The following SCUBE1 variants were observed in gnomAD, a reference collection of about 807,000 sequenced individuals.
The protein encoded by SCUBE1 is signal peptide, CUB domain and EGF like domain containing 1.
In SCUBE1, 59 loss-of-function variants were observed where a neutral mutation model predicts 124.4. The ratio of observed to expected loss-of-function variants is 0.47; its 90% CI spans 0.38 to 0.59. SCUBE1 has a LOEUF of 0.59. SCUBE1 is among the 20% of genes least tolerant of loss of function. The pLI, the probability that SCUBE1 is intolerant of heterozygous loss-of-function variation, is 0.00. For missense variants in SCUBE1, 1,150 were observed against 1,371.2 expected (o/e 0.84, Z 2.55); for synonymous variants, 545 against 550.9 (o/e 0.99, Z 0.15).
At chr22:43,303,224 TTCC>T (rs1925840959) in intron 3 of SCUBE1, among the ~76,000 whole-genome samples, 1 of 152,216 alleles carries the variant, frequency 6.6e-6, no homozygotes, top group South Asian at 2.1e-4. Context: ...GTTCCTTCTC[TTCC>T]TCCTCCTTGC....
rs1466069121 is a variant in SCUBE1, at chr22:43,258,520, C to T, written c.611-185G>A. ...CCTGCACTTCAGCCCCTCCAGGGAC[C>T]CTGGAGTCACTCACTCCCTAGAGCT... On this transcript the variant is annotated intron_variant, in intron 5 of 21. Coordinates refer to ENST00000360835, the MANE Select transcript of SCUBE1 (RefSeq NM_173050.5). This position sits in a 1 kb window ranked among gnomAD's most constrained non-coding sequence, Gnocchi z 5.0. Among the ~76,000 whole-genome samples, 1 of 152,124 alleles carries T rather than the reference C, an allele frequency of 6.6e-6. No homozygotes were observed. The highest frequency in any genetic ancestry group is 1.5e-5 in the Non-Finnish European group (1 of 68,016).
intron 9 of SCUBE1, 53 bp downstream of exon 9, chr22:43,229,019 C>T (rs1228080075): frequency 2.3e-5 from 31 of 1,336,804 alleles, no homozygotes; most frequent in South Asian, 1.2e-4. Flanking sequence ...GGTGGCCGTG[C>T]GGCCAGGCGC....
Position 43,258,481 on chromosome 22 carries a change from C to T in SCUBE1, c.611-146G>A, listed in dbSNP as rs927305137. On this transcript the variant is annotated intron_variant, in intron 5 of 21. Transcript: ENST00000360835. The surrounding 1 kb of genome is among the most constrained non-coding windows in gnomAD (Gnocchi z 5.0). The stretch of plus-strand genomic sequence containing the variant: ...TAGGGTCATGAGGCTCGCCGGGCAA[C>T]GGGGGAGCATTTCCCTGCACTTCAG... The T allele has an allele frequency of 1.6e-5, 11 of 669,896 alleles. No individual in the cohort carries two copies. The highest frequency in any genetic ancestry group is 3.0e-4 in the Middle Eastern group (1 of 3,372). 41.5% of individuals were successfully genotyped at this position (669,896 alleles called of 1,614,324 possible).
Position 43,217,706 on chromosome 22 carries a change from G to C in SCUBE1, c.1891+549C>G, listed in dbSNP as rs73420041. ...GGCATGTGAGCTCCACTAGAACTAG[G>C]ACTGTCTCGTGTGCTGGTTCTGCCT... On this transcript the variant is annotated intron_variant, in intron 15 of 21. Coordinates refer to ENST00000360835, the MANE Select transcript of SCUBE1 (RefSeq NM_173050.5). 4.4e-3 allele frequency among the ~76,000 whole-genome samples: 672 copies of C among 152,272 alleles called. 3 individuals carry two copies. Among genetic ancestry groups the C allele is most frequent in the African/African-American group, 0.015 (644 of 41,552 alleles).
In SCUBE1 at chr22:43,285,924, C is replaced by A. The variant is rs5759257; in HGVS notation, c.484+5122G>T. On this transcript the variant is annotated intron_variant, in intron 4 of 21. Transcript: ENST00000360835. ...GCACAGATGAACCTGGGTGCAAGGACCACCAGCTCGCTAGTTTGTCGAGGA... is the reference window on the plus strand; with the variant it reads ...GCACAGATGAACCTGGGTGCAAGGAACACCAGCTCGCTAGTTTGTCGAGGA... 0.023 allele frequency among the ~76,000 whole-genome samples: 3,442 copies of A among 152,322 alleles called. 247 individuals carry two copies. In the East Asian group the frequency reaches 0.28, roughly 12 times the overall value.
intron 2 of SCUBE1, among the ~76,000 whole-genome samples, chr22:43,332,886 G>C (rs192421787): frequency 6.6e-6 from 1 of 152,158 alleles, no homozygotes; most frequent in Non-Finnish European, 1.5e-5. Context: ...GATGTTCACA[G>C]CTGATAACTC....
At chr22:43,318,877 G>A (rs1169714987) in intron 3 of SCUBE1, among the ~76,000 whole-genome samples, 1 of 152,110 alleles carries the variant, frequency 6.6e-6, no homozygotes, top group Non-Finnish European at 1.5e-5. Context: ...TTACAGGCAT[G>A]CGCCCAACTA....
chr22:43,277,018 A>G (rs777245443), intron 4 of SCUBE1, among the ~76,000 whole-genome samples: 23 of 151,908 alleles, frequency 1.5e-4, no homozygotes, highest in Non-Finnish European at 3.1e-4. Context: ...CACTTGGGGG[A>G]GAAAGGCCCG....
chr22:43,258,285 C>T lies in SCUBE1; in HGVS notation c.661G>A (p.Asp221Asn). 6.2e-7 allele frequency: 1 copy of T among 1,614,174 alleles called. No homozygotes were observed. Residue 221 changes from aspartate (D) to asparagine (N), a missense_variant, in exon 6 of 22, where the codon GAC becomes AAC. By Grantham distance (23) the Asp-to-Asn change is conservative. Transcript: ENST00000360835. The surrounding 1 kb of genome is among the most constrained non-coding windows in gnomAD (Gnocchi z 5.0). ...TGGCAACCACACGTGGGGCCTGTGT[C>T]TGTGTCCTCACAGCTGTGCTGGCAG... ...GGCQHSCEDT[D>N]TGPTCGCHQK...
In SCUBE1 at chr22:43,208,111, T is replaced by C. The variant is rs751125489; in HGVS notation, c.2695A>G (p.Ser899Gly). 7 of 1,614,148 alleles carry C rather than the reference T, an allele frequency of 4.3e-6. No homozygotes were observed. The South Asian group carries it at 4.4e-5, about 10-fold the overall frequency. Residue 899 changes from serine to glycine, a missense_variant, in exon 20 of 22, where the codon AGC becomes GGC. Ser to Gly is a moderately conservative substitution (Grantham distance 56). Transcript: ENST00000360835. Reference protein sequence around the residue: ...WIQFKSNEGNSGKGFQVPYVT... With the variant: ...WIQFKSNEGNGGKGFQVPYVT... ...TAGGGCACTTGGAAGCCTTTGCCGC[T>C]GTTGCCTTCATTGGATTTGAACTGG... is the stretch of plus-strand genomic sequence containing the variant.
In SCUBE1 at chr22:43,200,848, G is replaced by C. The variant is rs1920990352; in HGVS notation, c.*3149C>G. The C allele has an allele frequency of 6.6e-6, 1 of 152,360 alleles. No homozygotes were observed. 9.4% of individuals were successfully genotyped at this position (152,360 alleles called of 1,614,324 possible). ...ATCCAACTTTGCCCTGGGCACACTG[G>C]GCATGGTCTGACCACGGTGGTGAGT... On this transcript the variant is annotated 3_prime_UTR_variant, in exon 22 of 22. Transcript: ENST00000360835.
chr22:43,217,622 C>G (rs921229495), intron 15 of SCUBE1, among the ~76,000 whole-genome samples: 1 of 152,192 alleles, frequency 6.6e-6, no homozygotes, highest in African/African-American at 2.4e-5. Context: ...GGCCCCATCA[C>G]CTCTGGCCTC....
At chr22:43,331,102 A>G (rs900185327) in intron 2 of SCUBE1, among the ~76,000 whole-genome samples, 3 of 152,142 alleles carry the variant, frequency 2.0e-5, no homozygotes, top group Non-Finnish European at 4.4e-5. Flanking sequence ...TGGTTTTAAG[A>G]TTTTGTTTTT....
At chr22:43,217,892 C>G (rs1276829033) in intron 15 of SCUBE1, among the ~76,000 whole-genome samples, 4 of 152,198 alleles carry the variant, frequency 2.6e-5, no homozygotes, top group Non-Finnish European at 5.9e-5. Context: ...ACTCCTGGAG[C>G]CCTGAGGTCT....
Position 43,207,879 on chromosome 22 carries a change from C to T in SCUBE1, c.2734+193G>A, listed in dbSNP as rs189378396. On this transcript the variant is annotated intron_variant, in intron 20 of 21. Coordinates refer to ENST00000360835, the MANE Select transcript of SCUBE1 (RefSeq NM_173050.5). ...GCTGAAGCCTGCAGAGGCCACTAAC[C>T]GCTGTCTTGCCTGTACCACCCGGTA... 1.5e-3 allele frequency among the ~76,000 whole-genome samples: 229 copies of T among 152,332 alleles called. 3 individuals are homozygous for T. Among genetic ancestry groups the T allele is most frequent in the Admixed American group, 0.011 (168 of 15,308 alleles).
chr22:43,335,809 T>A (rs1258149973), intron 2 of SCUBE1, among the ~76,000 whole-genome samples: 1 of 116,672 alleles, frequency 8.6e-6, no homozygotes, highest in African/African-American at 3.4e-5. Context: ...ATGGTGATGA[T>A]GATGATGATG....
At chr22:43,285,357 G>A (rs553307414) in intron 4 of SCUBE1, among the ~76,000 whole-genome samples, 27 of 152,220 alleles carry the variant, frequency 1.8e-4, no homozygotes, top group African/African-American at 6.0e-4. Context: ...CTCTGCCCAC[G>A]CCCACCTTCC....
intron 2 of SCUBE1, among the ~76,000 whole-genome samples, chr22:43,328,547 G>C (rs1926802200): frequency 6.6e-6 from 1 of 152,152 alleles, no homozygotes; most frequent in Non-Finnish European, 1.5e-5. Flanking sequence ...TTGGTAAGCT[G>C]GATCCTAGAG....
chr22:43,309,130 T>C (rs1027621460), intron 3 of SCUBE1, among the ~76,000 whole-genome samples: 11 of 152,020 alleles, frequency 7.2e-5, no homozygotes, highest in African/African-American at 2.7e-4. Context: ...CCCTGCACCT[T>C]CACCAGCTCC....
Sources: gnomAD v4.1 joint callset for allele counts (sites outside exome capture counted in the v4.1 genomes callset) on GRCh38, gnomAD v4.1.1 for gene constraint, Gnocchi (gnomAD v3.1) non-coding constraint, MANE v1.5 for transcripts, NCBI Gene and HGNC (gene_info 2026-07-23, HGNC 2026-07-21) for gene names.